Variants in SNX32 observed in about 807,000 individuals in gnomAD.
The protein encoded by SNX32 is sorting nexin 32.
Under a neutral mutation model 57.0 loss-of-function variants are expected in SNX32, and 58 were observed. That is an observed-to-expected ratio of 1.02 (90% CI 0.82 to 1.27). The LOEUF is 1.27. SNX32 is among the 50% of genes most tolerant of loss of function. The pLI is 0.00. For synonymous variants in SNX32, 262 were observed against 220.4 expected, an observed-to-expected ratio of 1.19 and a Z score of -1.67; for missense variants, 589 against 541.2, an observed-to-expected ratio of 1.09 and a Z score of -0.88.
At chr11:65,837,749 G>A (rs1333534468) in intron 1 of SNX32, among the ~76,000 whole-genome samples, 2 of 141,540 alleles carry the variant, frequency 1.4e-5, no homozygotes, top group Non-Finnish European at 3.0e-5. Context: ...GAGCCCGGGA[G>A]ATGGAGGTTC....
rs17855647 is a variant in SNX32 at position 65,852,484 on chromosome 11, C to T, written c.845C>T (p.Ala282Val). 1.1e-5 allele frequency: 18 copies of T among 1,614,104 alleles called. No individual in the cohort carries two copies. Among genetic ancestry groups the T allele is most frequent in the South Asian group, 7.7e-5 (7 of 91,088 alleles). ...ATGCAGAAGCTGGAGGGCCGGGTGG[C>T]TTCCGATGAGGACCTGAAGCTGTCA... ...ERLRKLEGRV[A>V]SDEDLKLSDM... is the part of the protein sequence containing the mutation. Residue 282 changes from alanine (A) to valine (V), a missense_variant, in exon 10 of 13, where the codon GCT becomes GTT. Ala to Val is a moderately conservative substitution (Grantham distance 64). Transcript: ENST00000308342.
chr11:65,838,185 G>T (rs1208301294), intron 1 of SNX32, among the ~76,000 whole-genome samples: 1 of 145,474 alleles, frequency 6.9e-6, no homozygotes, highest in African/African-American at 2.5e-5. Context: ...AAAGAAAGAA[G>T]GAAGGAAGGA....
chr11:65,845,698 T>C (rs1858973959), intron 1 of SNX32, among the ~76,000 whole-genome samples: 1 of 151,870 alleles, frequency 6.6e-6, no homozygotes. Context: ...GATCTTGCCA[T>C]TACACTCCAG....
At position 65,850,356 on chromosome 11, in the gene SNX32, C is replaced by T. The variant is rs150304861; in HGVS notation, c.375-75C>T. The T allele has an allele frequency of 1.8e-4, 298 of 1,612,718 alleles. 1 individual carries two copies. In the African/African-American group the frequency reaches 3.7e-3, roughly 20 times the overall value. On this transcript the variant is annotated intron_variant, in intron 4 of 12. Coordinates refer to ENST00000308342, the MANE Select transcript of SNX32 (RefSeq NM_152760.3). ...CCCCATGAATGTTTAGCAACCCTGA[C>T]CTCTGACCCCAGAAAGGGGGCAGGC...
At chr11:65,843,220 CA>C (rs11307931) in intron 1 of SNX32, among the ~76,000 whole-genome samples, 40,503 of 108,420 alleles carry the variant, frequency 0.37, 6,129 homozygotes, top group East Asian at 0.62. Context: ...GACTCCGTCT[CA>C]AAAAAAAAAA....
chr11:65,835,898 TTTA>T (rs1339214952), intron 1 of SNX32, among the ~76,000 whole-genome samples: 1 of 152,160 alleles, frequency 6.6e-6, no homozygotes, highest in Non-Finnish European at 1.5e-5. Flanking sequence ...TGCTTCAATG[TTTA>T]TCTATGTATG....
chr11:65,852,403 C>A, intron 9 of SNX32, 62 bp from the exon 10 acceptor site: 1 of 1,414,992 alleles, frequency 7.1e-7, no homozygotes, highest in Non-Finnish European at 1.0e-6. Context: ...GAAGAGGTGC[C>A]TCCCACCCCT....
intron 1 of SNX32, among the ~76,000 whole-genome samples, chr11:65,841,691 G>T (rs1027439816): frequency 1.3e-5 from 2 of 151,864 alleles, no homozygotes; most frequent in Non-Finnish European, 2.9e-5. Context: ...CCGAGATTGC[G>T]CCATCGCACT....
At chr11:65,848,961 T>C (rs1276192574) in intron 1 of SNX32, among the ~76,000 whole-genome samples, 1 of 151,918 alleles carries the variant, frequency 6.6e-6, no homozygotes, top group Non-Finnish European at 1.5e-5. Context: ...TGACCAAACA[T>C]AGTGAAACCC....
intron 1 of SNX32, among the ~76,000 whole-genome samples, chr11:65,846,524 C>T (rs1835454955): frequency 6.7e-6 from 1 of 148,882 alleles, no homozygotes; most frequent in Admixed American, 6.7e-5. Context: ...TGAGATCGTG[C>T]CATTGCACTC....
chr11:65,844,166 AT>A (rs1382285043), intron 1 of SNX32, among the ~76,000 whole-genome samples: 2 of 152,222 alleles, frequency 1.3e-5, no homozygotes, highest in African/African-American at 2.4e-5. Context: ...TAAAGGACCT[AT>A]AATCACCCAA....
Position 65,850,050 on chromosome 11 carries a change from G to A in SNX32, c.252+20G>A. 6.2e-7 allele frequency: 1 copy of A among 1,614,128 alleles called. No individual in the cohort carries two copies. Among genetic ancestry groups the A allele is most frequent in the East Asian group, 2.2e-5 (1 of 44,884 alleles). Reference sequence around the variant, plus strand: ...CTCATCGTGAGGAGGGGCTGGGCAGGGGCTGGGAGGGACAGGCAGAGCACT... The same window carrying A: ...CTCATCGTGAGGAGGGGCTGGGCAGAGGCTGGGAGGGACAGGCAGAGCACT... On this transcript the variant is annotated intron_variant, in intron 3 of 12. Transcript: ENST00000308342.
At chr11:65,839,223 G>GTTTTTTTGTTTTTTTTTTTT (rs755185237) in intron 1 of SNX32, among the ~76,000 whole-genome samples, 1 of 23,078 alleles carries the variant, frequency 4.3e-5, no homozygotes, top group Non-Finnish European at 7.1e-5. Flanking sequence ...TAATTTTTTT[G>GTTTTTTTGTTTTTTTTTTTT]TATTTTTTTT....
At chr11:65,851,208 C>T (rs374979008) in intron 7 of SNX32, 48 bp downstream of exon 7, 29 of 1,594,958 alleles carry the variant, frequency 1.8e-5, no homozygotes, top group Admixed American at 5.0e-5. Context: ...CTCTCCCCAG[C>T]GGTTCAACTC....
intron 12 of SNX32, 120 bp downstream of exon 12, chr11:65,853,078 T>A: frequency 7.8e-7 from 1 of 1,286,252 alleles, no homozygotes; most frequent in Non-Finnish European, 1.1e-6. Flanking sequence ...CGCGTGTGTG[T>A]GCATGAGAGG....
At position 65,852,889 on chromosome 11, in the gene SNX32, G is replaced by A. The variant is rs376440890; in HGVS notation, c.1089G>A (p.Lys363=). 36 of 1,614,132 alleles carry A rather than the reference G, an allele frequency of 2.2e-5. No homozygotes were observed. The highest frequency in any genetic ancestry group is 3.0e-5 in the Non-Finnish European group (35 of 1,180,012). ...DSAKQELMDF[K]SRRVSSFRKN... Reference sequence around the variant, plus strand: ...CCTCTCCAGAGCTCATGGACTTCAAGTCCCGCCGGGTCTCCTCTTTTCGAA... The same window carrying A: ...CCTCTCCAGAGCTCATGGACTTCAAATCCCGCCGGGTCTCCTCTTTTCGAA... The change falls in exon 12 of 13, where the codon AAG becomes AAA. Residue 363 remains lysine, a synonymous_variant. Coordinates refer to ENST00000308342, the MANE Select transcript of SNX32 (RefSeq NM_152760.3).
At position 65,850,512 on chromosome 11, in the gene SNX32, T is replaced by G; in HGVS notation, c.456T>G (p.Arg152=). 6.2e-7 allele frequency: 1 copy of G among 1,613,656 alleles called. No homozygotes were observed. The highest frequency in any genetic ancestry group is 8.5e-7 in the Non-Finnish European group (1 of 1,179,780). The part of the protein sequence containing the change: ...LQRLAAHPTL[R]RDHNFFVFLE... Reference sequence around the variant, plus strand: ...GCCTGGCGGCCCACCCCACCCTGCGTCGAGACCACAACTTCTTTGTGTTTT... The same window carrying G: ...GCCTGGCGGCCCACCCCACCCTGCGGCGAGACCACAACTTCTTTGTGTTTT... Residue 152 remains arginine, a synonymous_variant, in exon 5 of 13, where the codon CGT becomes CGG. Transcript: ENST00000308342.
At chr11:65,851,487 T>C (rs1223775344) in intron 8 of SNX32, 84 bp downstream of exon 8, 40 of 1,542,664 alleles carry the variant, frequency 2.6e-5, no homozygotes, top group African/African-American at 5.5e-5. Context: ...AGATGTCTAC[T>C]GTCAGCTCTA....
intron 1 of SNX32, among the ~76,000 whole-genome samples, chr11:65,846,414 A>T (rs1022597840): frequency 1.9e-4 from 29 of 151,168 alleles, no homozygotes; most frequent in African/African-American, 5.9e-4. Flanking sequence ...TAAAAATACA[A>T]AATTAGCTGG....
Sources: allele counts gnomAD v4.1 joint callset (sites outside exome capture counted in the v4.1 genomes callset), GRCh38; gene constraint gnomAD v4.1.1; transcripts MANE v1.5; gene names NCBI Gene and HGNC (gene_info 2026-07-23, HGNC 2026-07-21).